Variants in EZR observed in about 807,000 individuals in gnomAD.
The protein encoded by EZR is cytovillin 2.
In EZR, 40 loss-of-function variants were observed where a neutral mutation model predicts 74.8. That is an observed-to-expected ratio of 0.53 (90% confidence interval 0.42 to 0.70). The LOEUF is 0.70. Ranked by LOEUF, EZR falls within the 30% of genes least tolerant of loss-of-function variation. The pLI is 0.00. For synonymous variants in EZR, 341 were observed against 283.3 expected (o/e 1.20, Z -2.05); for missense variants, 678 against 755.8 (o/e 0.90, Z 1.21).
At chr6:158,773,609 A>G (rs1220092608) in intron 8 of EZR, among the ~76,000 whole-genome samples, 1 of 152,222 alleles carries the variant, frequency 6.6e-6, no homozygotes, top group African/African-American at 2.4e-5. Context: ...AGAAGGTAAA[A>G]GAGCCCCTTT....
intron 8 of EZR, among the ~76,000 whole-genome samples, chr6:158,775,362 T>C (rs1791246727): frequency 6.6e-6 from 1 of 152,202 alleles, no homozygotes; most frequent in African/African-American, 2.4e-5. Context: ...GAAAATACTT[T>C]CACAAAATTG....
In EZR at chr6:158,785,317, G is replaced by A. The variant is rs1295417619; in HGVS notation, c.459C>T (p.Ile153=). Residue 153 remains isoleucine (I), a synonymous_variant, in exon 5 of 14, where the codon ATC becomes ATT. Transcript: ENST00000367075. The part of the protein sequence containing the change: ...KSGYLSSERL[I]PQRVMDQHKL... ...GGTCATCCTGTGCTCACCTTTGAGG[G>A]ATCAGCCGCTCAGAGCTGAGGTACC... The A allele has an allele frequency of 1.9e-6, 3 of 1,613,766 alleles. No individual in the cohort carries two copies. The highest frequency in any genetic ancestry group is 2.5e-6 in the Non-Finnish European group (3 of 1,180,022).
chr6:158,769,419 C>A lies in EZR; in HGVS notation c.1252-1G>T. 6.2e-7 allele frequency: 1 copy of A among 1,605,054 alleles called. No individual in the cohort carries two copies. Among genetic ancestry groups the A allele is most frequent in the Non-Finnish European group, 8.5e-7 (1 of 1,179,904 alleles). On this transcript the variant is annotated splice_acceptor_variant, in intron 11 of 13. Transcript: ENST00000367075. LOFTEE classifies it high-confidence loss of function. ...CAGTGTATTCTGCAAGCTCCGCAGCCTGGGAAGGGAATGCCAAGCTCACGT... is the reference window on the plus strand; with the variant it reads ...CAGTGTATTCTGCAAGCTCCGCAGCATGGGAAGGGAATGCCAAGCTCACGT...
chr6:158,791,379 T>A (rs1791740322), intron 2 of EZR, among the ~76,000 whole-genome samples: 1 of 152,216 alleles, frequency 6.6e-6, no homozygotes, highest in African/African-American at 2.4e-5. Flanking sequence ...ATGGCTGTTA[T>A]GAAGCATAAA....
chr6:158,767,624 T>G (rs1790936826), intron 12 of EZR, 112 bp from the exon 13 acceptor site: 2 of 1,130,672 alleles, frequency 1.8e-6, no homozygotes, highest in African/African-American at 1.6e-5. Context: ...AGCACTGAAC[T>G]GTGCTGGGCT....
At position 158,783,804 on chromosome 6, in the gene EZR, G is replaced by A. The variant is rs939636807; in HGVS notation, c.552-138C>T. The A allele has an allele frequency of 6.3e-6, 6 of 952,896 alleles. No individual in the cohort carries two copies. The African/African-American group carries it at 9.9e-5, about 16-fold the overall frequency. The allele number at this position is 952,896 out of a possible 1,614,324, so 59.0% of individuals were successfully genotyped here. A position where few individuals can be genotyped will look rare whatever the true frequency, so the allele number is the denominator to read the frequency against. ...CTGTGTGCTGCGTGCAGGCAGGCAGGGGCCGGGCAGCCGACCGGTGAGGAG... is the reference window on the plus strand; with the variant it reads ...CTGTGTGCTGCGTGCAGGCAGGCAGAGGCCGGGCAGCCGACCGGTGAGGAG... On this transcript the variant is annotated intron_variant, in intron 6 of 13. Transcript: ENST00000367075.
intron 2 of EZR, among the ~76,000 whole-genome samples, chr6:158,816,837 G>C (rs894967434): frequency 6.6e-6 from 1 of 152,148 alleles, no homozygotes; most frequent in Non-Finnish European, 1.5e-5. Flanking sequence ...TGTAATCCTA[G>C]CATTTTGGGA....
At chr6:158,807,943 A>G (rs963513024) in intron 2 of EZR, among the ~76,000 whole-genome samples, 19 of 152,192 alleles carry the variant, frequency 1.2e-4, no homozygotes, top group African/African-American at 4.6e-4. Context: ...TTAGCAGGAA[A>G]TGGGTTCCAC....
intron 12 of EZR, among the ~76,000 whole-genome samples, chr6:158,768,003 C>A (rs539815406): frequency 2.2e-4 from 33 of 151,924 alleles, no homozygotes; most frequent in Middle Eastern, 3.4e-3. Context: ...GGTACTTTCT[C>A]CAAAAACCTA....
intron 9 of EZR, 146 bp from the exon 10 acceptor site, chr6:158,771,040 C>T (rs1490353678): frequency 2.0e-5 from 28 of 1,377,940 alleles, no homozygotes; most frequent in African/African-American, 5.7e-5. Flanking sequence ...AGCTGCCTGA[C>T]GGAGCAGCCG....
chr6:158,766,832 T>C lies in EZR; in HGVS notation c.*82A>G. On this transcript the variant is annotated 3_prime_UTR_variant, in exon 14 of 14. Transcript: ENST00000367075. The stretch of plus-strand genomic sequence containing the variant: ...CTGGGATCTGAGGGAGTTCCTAGAC[T>C]TGGAGCACTAAAGACACAAGCGTGG... 7.5e-7 allele frequency: 1 copy of C among 1,329,654 alleles called. No individual in the cohort carries two copies. Among genetic ancestry groups the C allele is most frequent in the Non-Finnish European group, 1.0e-6 (1 of 955,890 alleles). The allele number at this position is 1,329,654 out of a possible 1,614,324, so 82.4% of individuals were successfully genotyped here. A position where few individuals can be genotyped will look rare whatever the true frequency, so the allele number is the denominator to read the frequency against.
At chr6:158,796,229 A>G (rs1360768304) in intron 2 of EZR, among the ~76,000 whole-genome samples, 1 of 152,208 alleles carries the variant, frequency 6.6e-6, no homozygotes, top group Non-Finnish European at 1.5e-5. Flanking sequence ...CCCAAGAAGG[A>G]AAGTACCCCT....
At chr6:158,803,554 T>C (rs1367110618) in intron 2 of EZR, among the ~76,000 whole-genome samples, 143 of 3,264 alleles carry the variant, frequency 0.044, 7 homozygotes, top group African/African-American at 0.073. Context: ...TGTATATATA[T>C]ATATATATAT....
chr6:158,766,298 CAA>C lies in EZR; in HGVS notation c.*614_*615del, dbSNP rs560786138. 4.0e-3 allele frequency: 358 copies of C among 90,138 alleles called. 1 individual carries two copies. The highest frequency in any genetic ancestry group is 4.3e-3 in the Non-Finnish European group (172 of 39,706). The allele number at this position is 90,138 out of a possible 1,614,324, so 5.6% of individuals were successfully genotyped here. ...TACAATGTATTCTAAAACTGTTAAG[CAA>C]AAAAAAAAAAAACAAAAAAAAAAAT... On this transcript the variant is annotated 3_prime_UTR_variant, in exon 14 of 14. Transcript: ENST00000367075.
chr6:158,784,634 C>A lies in EZR; in HGVS notation c.551+10G>T. 6 of 1,612,904 alleles carry A rather than the reference C, an allele frequency of 3.7e-6. No homozygotes were observed. The South Asian group carries it at 4.4e-5, about 12-fold the overall frequency. ...ATGGCAAGATCCCAACAGCAGGGCA[C>A]AGCACTCACTTGAGCATCCCACGGT... On this transcript the variant is annotated intron_variant, in intron 6 of 13. Transcript: ENST00000367075.
Position 158,767,542 on chromosome 6 carries a change from C to T in EZR, c.1345-30G>A. The T allele has an allele frequency of 1.9e-6, 3 of 1,547,116 alleles. No individual in the cohort carries two copies. In the South Asian group the frequency reaches 3.8e-5, roughly 19 times the overall value. ...GGAAAGCAAATTAATAAGAGGACTTCTCACCCAGAAGTCCTATCCTCCTGG... is the reference window on the plus strand; with the variant it reads ...GGAAAGCAAATTAATAAGAGGACTTTTCACCCAGAAGTCCTATCCTCCTGG... On this transcript the variant is annotated intron_variant, in intron 12 of 13. Coordinates refer to ENST00000367075, the MANE Select transcript of EZR (RefSeq NM_001111077.2).
intron 7 of EZR, among the ~76,000 whole-genome samples, chr6:158,777,512 C>T (rs1262298922): frequency 6.6e-6 from 1 of 152,236 alleles, no homozygotes; most frequent in African/African-American, 2.4e-5. Flanking sequence ...ACACATTTTA[C>T]CAGGGATAAT....
chr6:158,769,152 G>A (rs3102975), intron 12 of EZR, among the ~76,000 whole-genome samples, 174 bp downstream of exon 12: 100,307 of 152,104 alleles, frequency 0.66, 34,378 homozygotes, highest in Non-Finnish European at 0.74. Flanking sequence ...GTCTACTTCA[G>A]TAGTACAGCT....
intron 2 of EZR, among the ~76,000 whole-genome samples, chr6:158,792,230 T>A (rs1316030504): frequency 6.6e-6 from 1 of 152,028 alleles, no homozygotes; most frequent in Non-Finnish European, 1.5e-5. Context: ...GTTTTCTTTT[T>A]TTGAGATGGA....
Sources: gnomAD v4.1 joint callset for allele counts (sites outside exome capture counted in the v4.1 genomes callset) on GRCh38, gnomAD v4.1.1 for gene constraint, MANE v1.5 for transcripts, NCBI Gene and HGNC (gene_info 2026-07-23, HGNC 2026-07-21) for gene names.